The following SLC35D4 variants were observed in gnomAD, a reference collection of about 807,000 sequenced individuals.
SLC35D4 encodes solute carrier family 35 member D4.
chr18:23,355,972 G>A, the SLC35D4 span, among the ~76,000 whole-genome samples: 5 of 152,174 alleles, frequency 3.3e-5, no homozygotes, highest in African/African-American at 9.7e-5. Context: ...GTCAAGCAGA[G>A]TGGTGATCGT....
the SLC35D4 span, among the ~76,000 whole-genome samples, chr18:23,381,542 G>C: frequency 6.6e-6 from 1 of 152,062 alleles, no homozygotes; most frequent in Admixed American, 6.6e-5. Flanking sequence ...AATCTTCTTA[G>C]ATTTATAAAG....
the SLC35D4 span, among the ~76,000 whole-genome samples, chr18:23,389,547 T>C: frequency 6.6e-6 from 1 of 152,148 alleles, no homozygotes; most frequent in Non-Finnish European, 1.5e-5. Context: ...TTAAGACAGT[T>C]TGCACCTTTT....
chr18:23,420,226 C>T, the SLC35D4 span, among the ~76,000 whole-genome samples: 2 of 152,036 alleles, frequency 1.3e-5, no homozygotes, highest in Admixed American at 1.3e-4. Flanking sequence ...TTGCTTGAAC[C>T]CAGGAGGCAG....
At chr18:23,245,014 G>C in the SLC35D4 span, among the ~76,000 whole-genome samples, 2 of 152,222 alleles carry the variant, frequency 1.3e-5, no homozygotes, top group Non-Finnish European at 2.9e-5. Flanking sequence ...CCAACAACCT[G>C]TCTGCTCTGA....
chr18:23,411,483 T>TAAGAAAGAA, the SLC35D4 span, among the ~76,000 whole-genome samples: 1 of 91,810 alleles, frequency 1.1e-5, no homozygotes, highest in South Asian at 4.0e-4. Flanking sequence ...AAGAAAGAGA[T>TAAGAAAGAA]AGAAAGAAAG....
chr18:23,246,147 C>T, the SLC35D4 span, among the ~76,000 whole-genome samples: 1 of 151,930 alleles, frequency 6.6e-6, no homozygotes, highest in African/African-American at 2.4e-5. Flanking sequence ...ACCTGTTGTC[C>T]CAGCTACTCA....
the SLC35D4 span, chr18:23,297,979 C>T: frequency 6.2e-7 from 1 of 1,612,032 alleles, no homozygotes. Context: ...CCGCAGCAGC[C>T]TGTGAGTCTT....
the SLC35D4 span, among the ~76,000 whole-genome samples, chr18:23,334,883 G>A: frequency 1.3e-5 from 2 of 152,098 alleles, no homozygotes; most frequent in East Asian, 1.9e-4. Context: ...GCACGGGCCT[G>A]TAGTCCCAGC....
chr18:23,437,755 G>A, the SLC35D4 span: 813 of 1,603,796 alleles, frequency 5.1e-4, 6 homozygotes, highest in African/African-American at 9.7e-3. Flanking sequence ...ACGTGCAATC[G>A]CTGCCTCCCG....
the SLC35D4 span, among the ~76,000 whole-genome samples, chr18:23,327,238 C>CA: frequency 1.8e-3 from 269 of 151,906 alleles, 1 homozygote; most frequent in African/African-American, 6.3e-3. Context: ...AAAAACCCTT[C>CA]AAAAAAATCA....
chr18:23,411,978 T>C, the SLC35D4 span, among the ~76,000 whole-genome samples: 1 of 152,226 alleles, frequency 6.6e-6, no homozygotes, highest in South Asian at 2.1e-4. Flanking sequence ...AAATTCTATG[T>C]TACACTGACA....
the SLC35D4 span, among the ~76,000 whole-genome samples, chr18:23,431,587 C>T: frequency 6.6e-6 from 1 of 151,920 alleles, no homozygotes; most frequent in African/African-American, 2.4e-5. Flanking sequence ...ACTAATTCTG[C>T]ATTTTAGGAT....
At chr18:23,330,037 G>A in the SLC35D4 span, among the ~76,000 whole-genome samples, 6 of 152,232 alleles carry the variant, frequency 3.9e-5, no homozygotes, top group East Asian at 5.8e-4. Context: ...ACCACACAAC[G>A]GGGCCTGTCG....
chr18:23,303,845 T>G, the SLC35D4 span, among the ~76,000 whole-genome samples: 1 of 150,030 alleles, frequency 6.7e-6, no homozygotes, highest in Admixed American at 6.7e-5. Context: ...GAGGTTCCAG[T>G]GAGCTGAGAT....
the SLC35D4 span, among the ~76,000 whole-genome samples, chr18:23,286,266 C>T: frequency 5.3e-5 from 8 of 152,158 alleles, no homozygotes; most frequent in East Asian, 1.9e-4. Context: ...ACACCTAAAC[C>T]GCAGTGGCCA....
At chr18:23,310,021 A>G in the SLC35D4 span, among the ~76,000 whole-genome samples, 1 of 152,228 alleles carries the variant, frequency 6.6e-6, no homozygotes, top group Non-Finnish European at 1.5e-5. Context: ...ATTCTTCAAA[A>G]GGGAGGCGCA....
the SLC35D4 span, among the ~76,000 whole-genome samples, chr18:23,371,812 T>TC: frequency 1.3e-5 from 2 of 151,906 alleles, no homozygotes; most frequent in East Asian, 3.8e-4. Flanking sequence ...ACTTGCATTT[T>TC]CCCAAGCATG....
chr18:23,275,676 G>A, the SLC35D4 span, among the ~76,000 whole-genome samples: 1 of 151,098 alleles, frequency 6.6e-6, no homozygotes, highest in Admixed American at 6.6e-5. Context: ...GGGACTTGAC[G>A]TGGAAGGACA....
the SLC35D4 span, chr18:23,309,541 G>A: frequency 1.1e-3 from 735 of 668,954 alleles, 2 homozygotes; most frequent in Non-Finnish European, 1.6e-3. Context: ...AGAAAGCTTC[G>A]CTAATATGAG....
Sources: allele counts gnomAD v4.1 joint callset (sites outside exome capture counted in the v4.1 genomes callset), GRCh38; gene constraint gnomAD v4.1.1; transcripts MANE v1.5; gene names NCBI Gene and HGNC (gene_info 2026-07-23, HGNC 2026-07-21).